MICU1: variants seen among roughly 807,000 people sequenced by gnomAD.
MICU1 encodes calcium uptake protein 1, mitochondrial.
Under a neutral mutation model 56.8 loss-of-function variants are expected in MICU1, and 45 were observed. The ratio of observed to expected loss-of-function variants is 0.79; its 90% confidence interval spans 0.62 to 1.02. The LOEUF (loss-of-function observed/expected upper bound fraction) is 1.02, where lower values mean the gene tolerates loss of function less well. Ranked by LOEUF, MICU1 falls within the 50% of genes least tolerant of loss-of-function variation. The pLI, the probability that MICU1 is intolerant of heterozygous loss-of-function variation, is 0.00. For missense variants in MICU1, 504 were observed against 587.1 expected (o/e 0.86, Z 1.46); for synonymous variants, 186 against 195.1 (o/e 0.95, Z 0.39).
At chr10:72,397,684 G>A (rs1863313909) in intron 10 of MICU1, among the ~76,000 whole-genome samples, 1 of 152,188 alleles carries the variant, frequency 6.6e-6, no homozygotes, top group African/African-American at 2.4e-5. Context: ...AAGAGACAAA[G>A]AAGGCCATCA....
At chr10:72,445,251 T>C (rs1264914645) in intron 8 of MICU1, among the ~76,000 whole-genome samples, 2 of 152,182 alleles carry the variant, frequency 1.3e-5, no homozygotes, top group South Asian at 2.1e-4. Flanking sequence ...AAATGGTAGG[T>C]ACATTTATTT....
intron 10 of MICU1, among the ~76,000 whole-genome samples, chr10:72,379,190 G>C (rs1862623396): frequency 6.6e-6 from 1 of 152,166 alleles, no homozygotes; most frequent in Non-Finnish European, 1.5e-5. Context: ...TAACTGTTAA[G>C]AGAACTACAA....
chr10:72,544,186 TG>T (rs1317835642), intron 4 of MICU1, among the ~76,000 whole-genome samples: 2 of 152,156 alleles, frequency 1.3e-5, no homozygotes, highest in East Asian at 3.9e-4. Context: ...CTTGCTCAAT[TG>T]ATCATGACCC....
intron 1 of MICU1, among the ~76,000 whole-genome samples, chr10:72,612,718 T>C (rs1038162845): frequency 6.6e-6 from 1 of 152,034 alleles, no homozygotes; most frequent in Non-Finnish European, 1.5e-5. Context: ...GGAGGACCCT[T>C]TGAGCCTAGG....
intron 1 of MICU1, among the ~76,000 whole-genome samples, chr10:72,598,076 G>C (rs1202851626): frequency 6.6e-6 from 1 of 152,084 alleles, no homozygotes; most frequent in Non-Finnish European, 1.5e-5. Flanking sequence ...CCCCAGTTGA[G>C]AATTAGTATT....
chr10:72,517,742 C>G (rs979399369), intron 5 of MICU1, among the ~76,000 whole-genome samples: 3 of 151,254 alleles, frequency 2.0e-5, no homozygotes, highest in African/African-American at 4.9e-5. Flanking sequence ...CTCATGGAAC[C>G]AAATACCACC....
At chr10:72,598,892 T>G (rs1278549233) in intron 1 of MICU1, among the ~76,000 whole-genome samples, 1 of 152,156 alleles carries the variant, frequency 6.6e-6, no homozygotes, top group Non-Finnish European at 1.5e-5. Context: ...TTTCTTCCCT[T>G]TTTCTTTTTT....
chr10:72,384,482 A>G (rs1259236224), intron 10 of MICU1, among the ~76,000 whole-genome samples: 1 of 152,014 alleles, frequency 6.6e-6, no homozygotes, highest in East Asian at 1.9e-4. Context: ...TTCCTTATCT[A>G]TTTATGTGGA....
chr10:72,544,658 G>C (rs74693077), intron 4 of MICU1, among the ~76,000 whole-genome samples: 52 of 152,292 alleles, frequency 3.4e-4, no homozygotes, highest in South Asian at 8.3e-4. Flanking sequence ...GCAATAGCAA[G>C]CACCACTCAA....
chr10:72,539,057 A>G (rs763057980), intron 4 of MICU1, among the ~76,000 whole-genome samples: 3 of 152,200 alleles, frequency 2.0e-5, no homozygotes, highest in Non-Finnish European at 2.9e-5. Flanking sequence ...TTGTAAATAT[A>G]TATGAACCCA....
At chr10:72,519,463 T>C (rs1007280596) in intron 5 of MICU1, among the ~76,000 whole-genome samples, 2 of 152,214 alleles carry the variant, frequency 1.3e-5, no homozygotes, top group African/African-American at 4.8e-5. Context: ...AAACTTATTA[T>C]ATAGCAAATT....
At chr10:72,384,255 A>G (rs1194671304) in intron 10 of MICU1, among the ~76,000 whole-genome samples, 5 of 152,174 alleles carry the variant, frequency 3.3e-5, no homozygotes, top group Admixed American at 1.3e-4. Flanking sequence ...TTGGCCTCCC[A>G]AAGTGCTGGG....
At chr10:72,403,129 G>A (rs1439326518) in intron 10 of MICU1, among the ~76,000 whole-genome samples, 1 of 152,172 alleles carries the variant, frequency 6.6e-6, no homozygotes, top group Non-Finnish European at 1.5e-5. Flanking sequence ...TGTAATCCCA[G>A]CACTTTGGGA....
chr10:72,397,039 C>G lies in MICU1; in HGVS notation c.1180+10890G>C, dbSNP rs189864604. 3.8e-3 allele frequency among the ~76,000 whole-genome samples: 579 copies of G among 152,210 alleles called. 3 individuals are homozygous for G. Among genetic ancestry groups the G allele is most frequent in the Non-Finnish European group, 6.6e-3 (451 of 68,000 alleles). On this transcript the variant is annotated intron_variant, in intron 10 of 11. Coordinates refer to ENST00000361114, the MANE Select transcript of MICU1 (RefSeq NM_001195518.2). ...TGTTAAGAGCAGCAGAGAGAAAGGT[C>G]GAGTTACCCACAAAGGGAAGCCCAT...
intron 8 of MICU1, among the ~76,000 whole-genome samples, chr10:72,470,063 T>G (rs773708373): frequency 1.3e-5 from 2 of 152,198 alleles, no homozygotes; most frequent in Non-Finnish European, 2.9e-5. Context: ...TTTTGGAATT[T>G]TGATGGGACA....
intron 11 of MICU1, among the ~76,000 whole-genome samples, chr10:72,372,452 G>C (rs1862376942): frequency 6.6e-6 from 1 of 152,088 alleles, no homozygotes; most frequent in African/African-American, 2.4e-5. Flanking sequence ...AAAACATAGT[G>C]AGACCTCTCT....
intron 1 of MICU1, among the ~76,000 whole-genome samples, chr10:72,567,140 G>C (rs7899897): frequency 0.59 from 89,140 of 151,648 alleles, 27,488 homozygotes; most frequent in Non-Finnish European, 0.68. Flanking sequence ...TTTGAGCCCA[G>C]GAGTTGAAGA....
At chr10:72,443,814 C>T (rs1311371749) in intron 8 of MICU1, among the ~76,000 whole-genome samples, 22 of 150,896 alleles carry the variant, frequency 1.5e-4, no homozygotes, top group Admixed American at 1.3e-3. Flanking sequence ...GTCAGTGTGG[C>T]GATTCCTCAG....
At chr10:72,438,150 A>G (rs572175885) in intron 8 of MICU1, among the ~76,000 whole-genome samples, 230 of 152,350 alleles carry the variant, frequency 1.5e-3, no homozygotes, top group Non-Finnish European at 2.3e-3. Context: ...AATTGGAAGT[A>G]AAGTACTCCT....
Sources: gnomAD v4.1 joint callset for allele counts (sites outside exome capture counted in the v4.1 genomes callset) on GRCh38, gnomAD v4.1.1 for gene constraint, MANE v1.5 for transcripts, NCBI Gene and HGNC (gene_info 2026-07-23, HGNC 2026-07-21) for gene names.